CARS1: variants seen among roughly 807,000 people sequenced by gnomAD.
CARS1 encodes the protein cysteinyl-tRNA synthetase 1.
Under a neutral mutation model 106.2 loss-of-function variants are expected in CARS1, and 48 were observed. That is an observed-to-expected ratio of 0.45 (90% CI 0.36 to 0.57). CARS1 has a LOEUF of 0.57. CARS1 is among the 20% of genes least tolerant of loss of function. CARS1 has a pLI of 0.00. For missense variants in CARS1, 968 were observed against 1,057.2 expected (o/e 0.92, Z 1.17); for synonymous variants, 409 against 403.4 (o/e 1.01, Z -0.17).
chr11:3,026,587 C>G, intron 10 of CARS1, 89 bp downstream of exon 10: 2 of 1,421,274 alleles, frequency 1.4e-6, no homozygotes, highest in East Asian at 4.6e-5. Context: ...GGGGTGGGCT[C>G]AGCGCAGCCC....
In CARS1 at chr11:3,022,819, G is replaced by A. The variant is rs1418478099; in HGVS notation, c.1154-2487C>T. Among the ~76,000 whole-genome samples the A allele has an allele frequency of 2.0e-5, 3 of 152,072 alleles. No homozygotes were observed. The highest frequency in any genetic ancestry group is 2.0e-4 in the Admixed American group (3 of 15,266). ...CGGAGTGAGGAGCTGTCATCATCTA[G>A]GACCACTTGGGCCCCAGCATCACCC... On this transcript the variant is annotated intron_variant, in intron 10 of 22. Transcript: ENST00000380525. The surrounding 1 kb of genome is among the most constrained non-coding windows in gnomAD (Gnocchi z 4.9).
chr11:3,012,045 G>A (rs3782069), intron 18 of CARS1, 150 bp downstream of exon 18: 269,172 of 688,448 alleles, frequency 0.39, 54,111 homozygotes, highest in African/African-American at 0.44. Context: ...GTCCAGGCCC[G>A]GGATGCCGTT....
rs59060357 is a variant in CARS1, at chr11:3,048,040, C to T, written c.26-39G>A. 3.6e-3 allele frequency: 5,792 copies of T among 1,599,334 alleles called. 179 individuals are homozygous for T. The African/African-American group carries it at 0.065, about 18-fold the overall frequency. On this transcript the variant is annotated intron_variant, in intron 1 of 22. Coordinates refer to ENST00000380525, the MANE Select transcript of CARS1 (RefSeq NM_001014437.3). This position sits in a 1 kb window ranked among gnomAD's most constrained non-coding sequence, Gnocchi z 5.1. The stretch of plus-strand genomic sequence containing the variant: ...GGGCACATGGTGTCAGGCAGGCAGG[C>T]GGGCAGCCCAGAGGCCGCCAGAAAG...
Position 3,052,468 on chromosome 11 carries a change from T to C in CARS1, c.26-4467A>G, listed in dbSNP as rs77944894. On this transcript the variant is annotated intron_variant, in intron 1 of 22. Coordinates refer to ENST00000380525, the MANE Select transcript of CARS1 (RefSeq NM_001014437.3). The surrounding 1 kb of genome is among the most constrained non-coding windows in gnomAD (Gnocchi z 4.6). Reference sequence around the variant, plus strand: ...CACAGAGAATTTCCTGGAGTTTTCCTAGGGCTCACACACCCATTTTTATTT... The same window carrying C: ...CACAGAGAATTTCCTGGAGTTTTCCCAGGGCTCACACACCCATTTTTATTT... Among the ~76,000 whole-genome samples, 2,183 of 152,348 alleles carry C rather than the reference T, an allele frequency of 0.014. 43 individuals carry two copies. Among genetic ancestry groups the C allele is most frequent in the African/African-American group, 0.05 (2,077 of 41,570 alleles).
In CARS1 at chr11:3,039,666, A is replaced by AT. The variant is rs1213723996; in HGVS notation, c.552+168dup. 2.0e-5 allele frequency among the ~76,000 whole-genome samples: 3 copies of AT among 152,250 alleles called. No individual in the cohort carries two copies. The highest frequency in any genetic ancestry group is 1.9e-4 in the East Asian group (1 of 5,200). On this transcript the variant is annotated intron_variant, in intron 5 of 22. Transcript: ENST00000380525. The surrounding 1 kb of genome is among the most constrained non-coding windows in gnomAD (Gnocchi z 5.6). ...GTGTCTGAACATCATAGAAATGATCATATCAGTAGCAGAAGTGGTAATATT... is the reference window on the plus strand; with the variant it reads ...GTGTCTGAACATCATAGAAATGATCATTATCAGTAGCAGAAGTGGTAATATT...
intron 9 of CARS1, 70 bp from the exon 10 acceptor site, chr11:3,026,867 A>C: frequency 6.5e-7 from 1 of 1,544,846 alleles, no homozygotes; most frequent in Non-Finnish European, 8.8e-7. Flanking sequence ...GGATGACAGT[A>C]ACAAAATAAA....
rs755277125 is a variant in CARS1, at chr11:3,053,729, T to G, written c.25+3614A>C. 1.3e-5 allele frequency among the ~76,000 whole-genome samples: 2 copies of G among 152,152 alleles called. No individual in the cohort carries two copies. Among genetic ancestry groups the G allele is most frequent in the Non-Finnish European group, 2.9e-5 (2 of 68,026 alleles). On this transcript the variant is annotated intron_variant, in intron 1 of 22. Coordinates refer to ENST00000380525, the MANE Select transcript of CARS1 (RefSeq NM_001014437.3). The surrounding 1 kb of genome is among the most constrained non-coding windows in gnomAD (Gnocchi z 6.6). ...TGGGGTGGGCCCAGCAAGTGAGGTT[T>G]AAACCAGCTTCCCCATGGGTGGAAA...
chr11:3,038,288 G>T lies in CARS1; in HGVS notation c.652-89C>A, dbSNP rs1853955233. 1 of 1,277,700 alleles carries T rather than the reference G, an allele frequency of 7.8e-7. No homozygotes were observed. The highest frequency in any genetic ancestry group is 1.8e-5 in the Admixed American group (1 of 54,810). The allele number at this position is 1,277,700 out of a possible 1,614,324, so 79.1% of individuals were successfully genotyped here. A position where few individuals can be genotyped will look rare whatever the true frequency, so the allele number is the denominator to read the frequency against. ...GTGATTCCAGGTAGAAAACAGAACG[G>T]TTTTTCCCATGGCCCCATAGAGATA... On this transcript the variant is annotated intron_variant, in intron 6 of 22. Coordinates refer to ENST00000380525, the MANE Select transcript of CARS1 (RefSeq NM_001014437.3). The surrounding 1 kb of genome is among the most constrained non-coding windows in gnomAD (Gnocchi z 4.0).
At chr11:3,056,354 C>T (rs1451123270) in intron 1 of CARS1, among the ~76,000 whole-genome samples, 2 of 152,192 alleles carry the variant, frequency 1.3e-5, no homozygotes, top group African/African-American at 4.8e-5. Context: ...AAAGGCTGCT[C>T]CAGACTGTTA....
chr11:3,005,475 G>C lies in CARS1; in HGVS notation c.2150-42C>G, dbSNP rs200433817. Reference sequence around the variant, plus strand: ...GTGTGAGAAGAGTCTGGGCTCTGTGGGCCGTCCCCACTGCGGGGCCAGCCC... The same window carrying C: ...GTGTGAGAAGAGTCTGGGCTCTGTGCGCCGTCCCCACTGCGGGGCCAGCCC... On this transcript the variant is annotated intron_variant, in intron 19 of 22. Coordinates refer to ENST00000380525, the MANE Select transcript of CARS1 (RefSeq NM_001014437.3). 167 of 1,544,028 alleles carry C rather than the reference G, an allele frequency of 1.1e-4. No homozygotes were observed. The African/African-American group carries it at 2.1e-3, about 20-fold the overall frequency.
intron 1 of CARS1, among the ~76,000 whole-genome samples, chr11:3,055,866 T>C (rs528894015): frequency 6.6e-6 from 1 of 152,326 alleles, no homozygotes; most frequent in African/African-American, 2.4e-5. Flanking sequence ...TTACACTCCA[T>C]GCTCCAAGGT....
At position 3,043,165 on chromosome 11, in the gene CARS1, G is replaced by A. The variant is rs1231699181; in HGVS notation, c.275-909C>T. On this transcript the variant is annotated intron_variant, in intron 2 of 22. Transcript: ENST00000380525. The surrounding 1 kb of genome is among the most constrained non-coding windows in gnomAD (Gnocchi z 4.0). ...CACTCGCCTGTGGGCCGCCTGGGCTGCTCTGAGCACACTGCTTCCAGGCCT... is the reference window on the plus strand; with the variant it reads ...CACTCGCCTGTGGGCCGCCTGGGCTACTCTGAGCACACTGCTTCCAGGCCT... Among the ~76,000 whole-genome samples the A allele has an allele frequency of 6.6e-6, 1 of 151,948 alleles. No homozygotes were observed. The highest frequency in any genetic ancestry group is 1.9e-4 in the East Asian group (1 of 5,152).
rs1016206984 is a variant in CARS1 at position 3,004,097 on chromosome 11, G to A, written c.2217+1269C>T. Among the ~76,000 whole-genome samples, 5 of 152,182 alleles carry A rather than the reference G, an allele frequency of 3.3e-5. No individual in the cohort carries two copies. The highest frequency in any genetic ancestry group is 2.0e-4 in the Admixed American group (3 of 15,274). On this transcript the variant is annotated intron_variant, in intron 20 of 22. Transcript: ENST00000380525. This position sits in a 1 kb window ranked among gnomAD's most constrained non-coding sequence, Gnocchi z 5.2. Reference sequence around the variant, plus strand: ...ACCAGGCCACCTCACAGCACAGCACGGCAGGCGAGACCCAAGGCTAGGTGA... The same window carrying A: ...ACCAGGCCACCTCACAGCACAGCACAGCAGGCGAGACCCAAGGCTAGGTGA...
rs574740768 is a variant in CARS1 at position 3,025,976 on chromosome 11, G to A, written c.1153+700C>T. Reference sequence around the variant, plus strand: ...ACTATGTTTCTCAAGACAGCACTGCGTTTACTGTCTTTTGTTTCTTAAAAA... The same window carrying A: ...ACTATGTTTCTCAAGACAGCACTGCATTTACTGTCTTTTGTTTCTTAAAAA... On this transcript the variant is annotated intron_variant, in intron 10 of 22. Coordinates refer to ENST00000380525, the MANE Select transcript of CARS1 (RefSeq NM_001014437.3). 3.9e-5 allele frequency among the ~76,000 whole-genome samples: 6 copies of A among 152,244 alleles called. No individual in the cohort carries two copies. The South Asian group carries it at 8.3e-4, about 21-fold the overall frequency.
chr11:3,009,806 G>T (rs144168949), intron 18 of CARS1, among the ~76,000 whole-genome samples: 2 of 152,184 alleles, frequency 1.3e-5, no homozygotes, highest in African/African-American at 2.4e-5. Context: ...GATCCCAGCT[G>T]ATCTGAGGGC....
At chr11:3,054,247 A>G (rs1437413790) in intron 1 of CARS1, among the ~76,000 whole-genome samples, 1 of 151,520 alleles carries the variant, frequency 6.6e-6, no homozygotes, top group Admixed American at 6.6e-5. Flanking sequence ...ATCCTCTCTC[A>G]CCCCCAAGAA....
Position 3,034,534 on chromosome 11 carries a change from A to AT in CARS1, c.801+3515dup, listed in dbSNP as rs369896154. Among the ~76,000 whole-genome samples the AT allele has an allele frequency of 2.4e-4, 34 of 141,088 alleles. No homozygotes were observed. The highest frequency in any genetic ancestry group is 5.1e-4 in the African/African-American group (19 of 37,496). 92.6% of individuals were successfully genotyped at this position (141,088 alleles called of 152,430 possible). A position where few individuals can be genotyped will look rare whatever the true frequency, so the allele number is the denominator to read the frequency against. Reference sequence around the variant, plus strand: ...CTGCGCCTGGCCGGGAATGGGTAAAATTTTTTTTCTTTTTGAGACGGAGTC... The same window carrying AT: ...CTGCGCCTGGCCGGGAATGGGTAAAATTTTTTTTTCTTTTTGAGACGGAGTC... On this transcript the variant is annotated intron_variant, in intron 7 of 22. Coordinates refer to ENST00000380525, the MANE Select transcript of CARS1 (RefSeq NM_001014437.3). The surrounding 1 kb of genome is among the most constrained non-coding windows in gnomAD (Gnocchi z 6.3).
Position 3,028,728 on chromosome 11 carries a change from G to T in CARS1, c.1031+268C>A. 2.0e-6 allele frequency: 1 copy of T among 506,960 alleles called. No homozygotes were observed. The highest frequency in any genetic ancestry group is 3.5e-6 in the Non-Finnish European group (1 of 286,970). The allele number at this position is 506,960 out of a possible 1,614,324, so 31.4% of individuals were successfully genotyped here. A position where few individuals can be genotyped will look rare whatever the true frequency, so the allele number is the denominator to read the frequency against. On this transcript the variant is annotated intron_variant, in intron 9 of 22. Transcript: ENST00000380525. This position sits in a 1 kb window ranked among gnomAD's most constrained non-coding sequence, Gnocchi z 4.4. ...TCGCACTCACCATTATGCAGCTCTG[G>T]GGCCCCATGACTGATGGTCTTGGCT...
Position 3,018,721 on chromosome 11 carries a change from C to G in CARS1, c.1424G>C (p.Arg475Thr). 6.2e-7 allele frequency: 1 copy of G among 1,614,098 alleles called. No homozygotes were observed. The highest frequency in any genetic ancestry group is 8.5e-7 in the Non-Finnish European group (1 of 1,179,996). ...CAGGTGGCCTGTGTGCAGGAAGTACCTGACCCAGCAGTCGTTTTCAAAGTA... is the reference window on the plus strand; with the variant it reads ...CAGGTGGCCTGTGTGCAGGAAGTACGTGACCCAGCAGTCGTTTTCAAAGTA... Reference protein sequence around the residue: ...EAYFENDCWVRYFLHTGHLTI... With the variant: ...EAYFENDCWVTYFLHTGHLTI... Residue 475 changes from arginine to threonine, a missense_variant, in exon 13 of 23, where the codon AGG (arginine) becomes ACG (threonine). Transcript: ENST00000380525.
Sources: allele counts gnomAD v4.1 joint callset (sites outside exome capture counted in the v4.1 genomes callset), GRCh38; gene constraint gnomAD v4.1.1; non-coding constraint Gnocchi (gnomAD v3.1); transcripts MANE v1.5; gene names NCBI Gene and HGNC (gene_info 2026-07-23, HGNC 2026-07-21).